RPH3AL: variants seen among roughly 807,000 people sequenced by gnomAD.
The protein encoded by RPH3AL is rab effector Noc2.
RPH3AL carries 38 observed loss-of-function variants against 43.1 expected under a neutral mutation model. The observed-to-expected ratio is 0.88, with a 90% CI of 0.68 to 1.15. RPH3AL has a LOEUF of 1.15. Among genes scored for constraint, RPH3AL ranks in the 50% most tolerant of loss-of-function variants. The pLI is 0.00. For synonymous variants in RPH3AL, 189 were observed against 176.3 expected (o/e 1.07, Z -0.57); for missense variants, 462 against 423.2 (o/e 1.09, Z -0.81).
chr17:291,497 T>C (rs75751764), intron 5 of RPH3AL, among the ~76,000 whole-genome samples: 3,729 of 152,300 alleles, frequency 0.024, 130 homozygotes, highest in African/African-American at 0.084. Flanking sequence ...GGAACCGCGC[T>C]GCAGACGGTG....
At chr17:256,254 C>T (rs370999659) in intron 6 of RPH3AL, among the ~76,000 whole-genome samples, 94 of 76,752 alleles carry the variant, frequency 1.2e-3, no homozygotes, top group South Asian at 3.3e-3. Context: ...ATGAGGGGAG[C>T]CGCACGGCGT....
rs756764740 is a variant in RPH3AL, at chr17:300,702, AGCC to A, written c.351+18715_351+18717del. Among the ~76,000 whole-genome samples, 85 of 138,262 alleles carry A rather than the reference AGCC, an allele frequency of 6.1e-4. No homozygotes were observed. In the East Asian group the frequency reaches 6.2e-3, roughly 10 times the overall value. 90.7% of individuals were successfully genotyped at this position (138,262 alleles called of 152,430 possible). A position where few individuals can be genotyped will look rare whatever the true frequency, so the allele number is the denominator to read the frequency against. On this transcript the variant is annotated intron_variant, in intron 5 of 9. Coordinates refer to ENST00000331302, the MANE Select transcript of RPH3AL (RefSeq NM_006987.4). ...CACCCGCTCTAGCAGGGGCTGGCCC[AGCC>A]TAGACCTGCAGAATCTCTCACCCAC...
chr17:349,935 G>A (rs983169809), intron 1 of RPH3AL, among the ~76,000 whole-genome samples: 5 of 152,074 alleles, frequency 3.3e-5, no homozygotes, highest in African/African-American at 9.7e-5. Context: ...CACACCACAG[G>A]GACAGCACAC....
chr17:275,928 TAG>T (rs1335903555), intron 6 of RPH3AL, among the ~76,000 whole-genome samples: 1 of 152,206 alleles, frequency 6.6e-6, no homozygotes, highest in East Asian at 1.9e-4. Context: ...GGCGAGGGAC[TAG>T]AGTGTGCCAG....
At chr17:325,663 T>C (rs2044602284) in intron 3 of RPH3AL, among the ~76,000 whole-genome samples, 2 of 152,202 alleles carry the variant, frequency 1.3e-5, no homozygotes, top group African/African-American at 4.8e-5. Context: ...GCAACTTACC[T>C]GGGTAACTAT....
chr17:262,449 C>CAA (rs1353265823), intron 6 of RPH3AL, among the ~76,000 whole-genome samples: 3 of 152,138 alleles, frequency 2.0e-5, no homozygotes, highest in Non-Finnish European at 4.4e-5. Flanking sequence ...CTGCTGACCT[C>CAA]GTGATCCACC....
chr17:315,623 A>G (rs201141133), intron 5 of RPH3AL, among the ~76,000 whole-genome samples: 5,677 of 38,246 alleles, frequency 0.15, 24 homozygotes, highest in African/African-American at 0.21. Context: ...TAGTCCCTGT[A>G]CTCCACCTCC....
At chr17:273,610 A>G (rs12947105) in intron 6 of RPH3AL, among the ~76,000 whole-genome samples, 772 of 860 alleles carry the variant, frequency 0.9, 360 homozygotes, top group East Asian at 1. Flanking sequence ...CGACGTCAGG[A>G]AGAGACCCCA....
intron 7 of RPH3AL, among the ~76,000 whole-genome samples, chr17:242,222 T>C (rs1208986129): frequency 6.6e-6 from 1 of 152,122 alleles, no homozygotes; most frequent in Non-Finnish European, 1.5e-5. Context: ...GGTTGAAAAG[T>C]TCATGACTTG....
At chr17:214,994 G>A (rs2040761528) in intron 9 of RPH3AL, among the ~76,000 whole-genome samples, 2 of 152,174 alleles carry the variant, frequency 1.3e-5, no homozygotes, top group South Asian at 2.1e-4. Flanking sequence ...TGGGGAAGGA[G>A]AGAGGTGCGG....
At chr17:315,660 C>T (rs2044029777) in intron 5 of RPH3AL, among the ~76,000 whole-genome samples, 1 of 152,346 alleles carries the variant, frequency 6.6e-6, no homozygotes, top group African/African-American at 2.4e-5. Flanking sequence ...TGTGCTCCAC[C>T]TCCACTGACC....
intron 7 of RPH3AL, among the ~76,000 whole-genome samples, chr17:222,283 T>A (rs1243119328): frequency 2.0e-5 from 3 of 152,250 alleles, no homozygotes; most frequent in Non-Finnish European, 4.4e-5. Context: ...AAGTTGTAAG[T>A]AGAAGAGCCG....
chr17:235,601 C>G (rs113954477), intron 7 of RPH3AL, among the ~76,000 whole-genome samples: 1 of 49,094 alleles, frequency 2.0e-5, no homozygotes, highest in South Asian at 5.8e-4. Flanking sequence ...AGACGGATCC[C>G]GGGTTCAAAG....
chr17:351,583 T>C (rs1469727730), intron 1 of RPH3AL, among the ~76,000 whole-genome samples: 1 of 152,156 alleles, frequency 6.6e-6, no homozygotes, highest in Non-Finnish European at 1.5e-5. Flanking sequence ...CATGAGCCTC[T>C]CTTTTTCTTG....
chr17:214,899 C>A (rs1386538313), intron 9 of RPH3AL: 1 of 152,278 alleles, frequency 6.6e-6, no homozygotes, highest in African/African-American at 2.4e-5. Flanking sequence ...TGGAGGACCT[C>A]CAGGAGGCTA....
At chr17:350,318 A>T (rs1026231034) in intron 1 of RPH3AL, among the ~76,000 whole-genome samples, 1 of 152,096 alleles carries the variant, frequency 6.6e-6, no homozygotes, top group Non-Finnish European at 1.5e-5. Context: ...CTCTACTAAA[A>T]ATACAAAAAT....
At chr17:226,001 G>A (rs757941383) in intron 7 of RPH3AL, among the ~76,000 whole-genome samples, 19 of 152,232 alleles carry the variant, frequency 1.2e-4, no homozygotes, top group Non-Finnish European at 2.5e-4. Context: ...CAAGACAACC[G>A]TGAACCATGC....
intron 6 of RPH3AL, among the ~76,000 whole-genome samples, chr17:280,081 G>A (rs186480401): frequency 3.8e-4 from 58 of 152,288 alleles, no homozygotes; most frequent in African/African-American, 1.3e-3. Context: ...CAGCAGCAAG[G>A]AAATGTGCGC....
intron 7 of RPH3AL, among the ~76,000 whole-genome samples, chr17:238,853 C>T (rs1342270082): frequency 1.3e-5 from 2 of 152,148 alleles, no homozygotes; most frequent in Non-Finnish European, 1.5e-5. Context: ...CCCACAGCAC[C>T]GGTGCCGCCA....
Sources: gnomAD v4.1 joint callset for allele counts (sites outside exome capture counted in the v4.1 genomes callset) on GRCh38, gnomAD v4.1.1 for gene constraint, MANE v1.5 for transcripts, NCBI Gene and HGNC (gene_info 2026-07-23, HGNC 2026-07-21) for gene names.